Variants in FGF14 observed in about 807,000 individuals in gnomAD.
The protein encoded by FGF14 is fibroblast growth factor 14.
FGF14 carries 5 observed loss-of-function variants against 25.5 expected under a neutral mutation model. The observed-to-expected ratio is 0.20, with a 90% confidence interval of 0.10 to 0.41. The LOEUF (loss-of-function observed/expected upper bound fraction) is 0.41, where lower values mean the gene tolerates loss of function less well. Among genes scored for constraint, FGF14 ranks in the 10% least tolerant of loss-of-function variants. The pLI, the probability that FGF14 is intolerant of heterozygous loss-of-function variation, is 1.00. For missense variants in FGF14, 222 were observed against 320.1 expected, an observed-to-expected ratio of 0.69 and a Z score of 2.34; for synonymous variants, 138 against 118.3, an observed-to-expected ratio of 1.17 and a Z score of -1.08.
At chr13:101,943,843 A>ATATATATATATATATATT (rs2035623541) in intron 1 of FGF14, among the ~76,000 whole-genome samples, 1 of 147,360 alleles carries the variant, frequency 6.8e-6, no homozygotes, top group African/African-American at 2.5e-5. Flanking sequence ...ATATATATAT[A>ATATATATATATATATATT]TTCACAAAAT....
At chr13:101,827,740 A>G (rs953778389) in intron 3 of FGF14, among the ~76,000 whole-genome samples, 25 of 152,040 alleles carry the variant, frequency 1.6e-4, no homozygotes, top group East Asian at 3.9e-4. Flanking sequence ...GAAACATTAC[A>G]TTAATAATTA....
At chr13:101,881,054 C>CT (rs1164181085) in intron 1 of FGF14, among the ~76,000 whole-genome samples, 1 of 152,120 alleles carries the variant, frequency 6.6e-6, no homozygotes, top group Non-Finnish European at 1.5e-5. Flanking sequence ...TGGGCAAAGA[C>CT]TTTTTCTAGG....
chr13:102,276,826 T>G (rs1332620993), intron 1 of FGF14, among the ~76,000 whole-genome samples: 1 of 151,816 alleles, frequency 6.6e-6, no homozygotes, highest in East Asian at 1.9e-4. Context: ...ATGCAAAGAG[T>G]TAGAGATTAT....
intron 1 of FGF14, among the ~76,000 whole-genome samples, chr13:102,140,124 G>T (rs61967763): frequency 0.071 from 10,602 of 149,568 alleles, 419 homozygotes; most frequent in Non-Finnish European, 0.096. Context: ...AAGATTTGGA[G>T]AATCTTATTA....
intron 1 of FGF14, among the ~76,000 whole-genome samples, chr13:102,047,596 G>A (rs758546044): frequency 2.6e-5 from 4 of 152,080 alleles, no homozygotes; most frequent in African/African-American, 4.8e-5. Context: ...ACCAAACACC[G>A]CATATTCTCA....
At chr13:102,397,890 C>T (rs2058619524) in intron 1 of FGF14, among the ~76,000 whole-genome samples, 1 of 152,092 alleles carries the variant, frequency 6.6e-6, no homozygotes, top group Admixed American at 6.5e-5. Flanking sequence ...ACTTAGTATT[C>T]CCTATTTAAT....
chr13:101,976,117 T>C lies in FGF14; in HGVS notation c.209-100821A>G, dbSNP rs1431822947. Among the ~76,000 whole-genome samples, 3 of 48,052 alleles carry C rather than the reference T, an allele frequency of 6.2e-5. No individual in the cohort carries two copies. The East Asian group carries it at 1.2e-3, about 19-fold the overall frequency. 31.5% of individuals were successfully genotyped at this position (48,052 alleles called of 152,430 possible). A position where few individuals can be genotyped will look rare whatever the true frequency, so the allele number is the denominator to read the frequency against. ...AGAGAGTTATACAATATGTCATTGA[T>C]TTTTTTTTAGTTCATTAATGTGTTG... On this transcript the variant is annotated intron_variant, in intron 1 of 4. Coordinates refer to the FGF14 transcript ENST00000376131.
intron 1 of FGF14, among the ~76,000 whole-genome samples, chr13:102,120,228 GA>G (rs1472673287): frequency 6.6e-6 from 1 of 152,130 alleles, no homozygotes; most frequent in African/African-American, 2.4e-5. Context: ...CATAGGGGAA[GA>G]TATGGGCCTA....
At chr13:102,006,902 G>A (rs966087313) in intron 1 of FGF14, among the ~76,000 whole-genome samples, 43 of 150,544 alleles carry the variant, frequency 2.9e-4, no homozygotes, top group African/African-American at 9.5e-4. Flanking sequence ...CCGCCACCGC[G>A]CCTGGCTAAT....
intron 1 of FGF14, among the ~76,000 whole-genome samples, chr13:101,877,357 C>T (rs1316220929): frequency 2.6e-5 from 4 of 152,278 alleles, no homozygotes; most frequent in East Asian, 3.9e-4. Flanking sequence ...CTATTCTTCT[C>T]AGGTGCCAGG....
chr13:101,738,099 T>C (rs1175457522), intron 3 of FGF14, among the ~76,000 whole-genome samples: 2 of 152,140 alleles, frequency 1.3e-5, no homozygotes, highest in Non-Finnish European at 2.9e-5. Flanking sequence ...CTAAATTTGA[T>C]ACAATAATGC....
chr13:101,886,355 T>C (rs2045987813), intron 1 of FGF14, among the ~76,000 whole-genome samples: 1 of 152,064 alleles, frequency 6.6e-6, no homozygotes, highest in Non-Finnish European at 1.5e-5. Context: ...CATAGACCAA[T>C]GGAACAGAAT....
At chr13:102,056,865 T>G (rs919036600) in intron 1 of FGF14, among the ~76,000 whole-genome samples, 2 of 150,384 alleles carry the variant, frequency 1.3e-5, no homozygotes. Flanking sequence ...GAATTATAAC[T>G]AGTATTCTCC....
chr13:101,845,012 T>C (rs2043378108), intron 3 of FGF14, among the ~76,000 whole-genome samples: 1 of 151,986 alleles, frequency 6.6e-6, no homozygotes, highest in Admixed American at 6.6e-5. Context: ...AGATCTGTTT[T>C]AGATGTGAAC....
At chr13:102,142,287 T>A (rs2046674422) in intron 1 of FGF14, among the ~76,000 whole-genome samples, 1 of 152,178 alleles carries the variant, frequency 6.6e-6, no homozygotes, top group Non-Finnish European at 1.5e-5. Context: ...TTAACAAATG[T>A]AGCACTGTGG....
intron 1 of FGF14, among the ~76,000 whole-genome samples, chr13:102,226,302 A>C (rs1412768341): frequency 5.3e-5 from 8 of 152,168 alleles, no homozygotes; most frequent in African/African-American, 1.9e-4. Context: ...CTAATGCTGA[A>C]ACCTATCTCA....
At chr13:102,143,653 A>C (rs1180287652) in intron 1 of FGF14, among the ~76,000 whole-genome samples, 2 of 152,246 alleles carry the variant, frequency 1.3e-5, no homozygotes, top group Non-Finnish European at 2.9e-5. Flanking sequence ...TTTGAGAATC[A>C]GTTATTCAAG....
intron 1 of FGF14, among the ~76,000 whole-genome samples, chr13:102,154,639 A>G (rs1379802982): frequency 1.3e-5 from 2 of 152,142 alleles, no homozygotes; most frequent in Non-Finnish European, 2.9e-5. Flanking sequence ...TAACATCATA[A>G]TGACAGGATC....
At chr13:101,836,252 C>G (rs985650338) in intron 3 of FGF14, among the ~76,000 whole-genome samples, 10 of 152,028 alleles carry the variant, frequency 6.6e-5, no homozygotes, top group African/African-American at 2.4e-4. Flanking sequence ...CTTATGACTG[C>G]TCTAAGACAA....
Sources: gnomAD v4.1 joint callset for allele counts (sites outside exome capture counted in the v4.1 genomes callset) on GRCh38, gnomAD v4.1.1 for gene constraint, MANE v1.5 for transcripts, NCBI Gene and HGNC (gene_info 2026-07-23, HGNC 2026-07-21) for gene names.